SERPINB11: variants seen among roughly 807,000 people sequenced by gnomAD.
The protein encoded by SERPINB11 is serpin B11.
In SERPINB11, 32 loss-of-function variants were observed where a neutral mutation model predicts 36.7. The observed-to-expected ratio is 0.87, with a 90% CI of 0.66 to 1.17. The LOEUF is 1.17. Among genes scored for constraint, SERPINB11 ranks in the 50% most tolerant of loss-of-function variants. The pLI is 0.00. For missense variants in SERPINB11, 528 were observed against 458.4 expected (o/e 1.15, Z -1.39); for synonymous variants, 174 against 168.1 (o/e 1.04, Z -0.27).
intron 2 of SERPINB11, among the ~76,000 whole-genome samples, 157 bp from the exon 3 acceptor site, chr18:63,711,178 T>C (rs974532048): frequency 1.3e-5 from 2 of 152,240 alleles, no homozygotes; most frequent in Non-Finnish European, 2.9e-5. Context: ...AAATAAGATA[T>C]GTAAAGACTT....
At chr18:63,713,452 T>G (rs919840570) in intron 4 of SERPINB11, among the ~76,000 whole-genome samples, 3 of 152,160 alleles carry the variant, frequency 2.0e-5, no homozygotes, top group African/African-American at 7.2e-5. Flanking sequence ...CATCATCTTG[T>G]GATTGAGGTG....
At chr18:63,706,833 C>A (rs1568182604) in intron 1 of SERPINB11, among the ~76,000 whole-genome samples, 4 of 152,192 alleles carry the variant, frequency 2.6e-5, no homozygotes, top group Admixed American at 2.6e-4. Flanking sequence ...ATCGAGGACG[C>A]AAGTTCTGCC....
intron 6 of SERPINB11, 165 bp from the exon 7 acceptor site, chr18:63,720,666 G>T: frequency 1.8e-6 from 1 of 554,572 alleles, no homozygotes; most frequent in South Asian, 2.8e-5. Flanking sequence ...TTAAAAAAAT[G>T]GATAACCTTT....
At chr18:63,715,586 A>C (rs1914647033) in intron 4 of SERPINB11, among the ~76,000 whole-genome samples, 1 of 152,162 alleles carries the variant, frequency 6.6e-6, no homozygotes, top group Admixed American at 6.5e-5. Context: ...GCTTGTGAGG[A>C]GATTGATATA....
chr18:63,711,278 C>A, intron 2 of SERPINB11, 57 bp from the exon 3 acceptor site: 1 of 1,187,186 alleles, frequency 8.4e-7, no homozygotes, highest in Non-Finnish European at 1.2e-6. Flanking sequence ...AACTGTCAAC[C>A]TTTATAGACT....
intron 7 of SERPINB11, 115 bp from the exon 8 acceptor site, chr18:63,722,880 G>T (rs755652720): frequency 1.6e-4 from 168 of 1,059,660 alleles, no homozygotes; most frequent in Non-Finnish European, 2.1e-4. Context: ...TGTATTAAAG[G>T]TAGAAAAAGT....
At chr18:63,719,035 C>T (rs1477946640) in intron 5 of SERPINB11, among the ~76,000 whole-genome samples, 3 of 151,970 alleles carry the variant, frequency 2.0e-5, no homozygotes, top group Admixed American at 6.6e-5. Flanking sequence ...AACTCTGTGA[C>T]AGTAGAGATT....
intron 5 of SERPINB11, among the ~76,000 whole-genome samples, chr18:63,718,755 T>C (rs1301352749): frequency 1.3e-5 from 2 of 152,068 alleles, no homozygotes; most frequent in East Asian, 1.9e-4. Flanking sequence ...ATCTTTTTGA[T>C]TGAGGAACTG....
At position 63,716,059 on chromosome 18, in the gene SERPINB11, T is replaced by G. The variant is rs747879910; in HGVS notation, c.382T>G (p.Trp128Gly). The stretch of plus-strand genomic sequence containing the variant: ...GCAATATTTAAGCTGTTCTGAGAAA[T>G]GGTATCAAGCCAGGTTGCAAACTGT... ...HQQYLSCSEK[W>G]YQARLQTVDF... Residue 128 changes from tryptophan (W) to glycine (G), a missense_variant, in exon 5 of 8, where the codon TGG becomes GGG. By Grantham distance (184) the Trp-to-Gly change is radical. Transcript: ENST00000544088. 2 of 1,610,594 alleles carry G rather than the reference T, an allele frequency of 1.2e-6. No homozygotes were observed. The highest frequency in any genetic ancestry group is 1.7e-6 in the Non-Finnish European group (2 of 1,177,804).
intron 1 of SERPINB11, chr18:63,705,788 C>T (rs183582261): frequency 3.3e-5 from 5 of 152,318 alleles, no homozygotes; most frequent in Non-Finnish European, 7.3e-5. Context: ...TAAATAAATT[C>T]ACGTTACTTT....
At chr18:63,711,831 G>A (rs373724537) in intron 3 of SERPINB11, among the ~76,000 whole-genome samples, 1 of 152,044 alleles carries the variant, frequency 6.6e-6, no homozygotes, top group Non-Finnish European at 1.5e-5. Context: ...TCCAGTAGAA[G>A]GATTCATTTT....
At chr18:63,703,505 T>G (rs2144525339) in intron 1 of SERPINB11, among the ~76,000 whole-genome samples, 1 of 152,312 alleles carries the variant, frequency 6.6e-6, no homozygotes, top group East Asian at 1.9e-4. Context: ...AGGTAAAATA[T>G]AATGGTTTAT....
chr18:63,720,842 A>G lies in SERPINB11; in HGVS notation c.630A>G (p.Val210=), dbSNP rs1914792005. ...TTTCTTCTTAACAGGGTAAAAATGT[A>G]ACTGTGGAAATGATGTATCAAATTG... ...SPFQLSEGKN[V]TVEMMYQIGT... The change falls in exon 7 of 8, where the codon GTA becomes GTG. Residue 210 remains valine (V), a synonymous_variant. Transcript: ENST00000544088. 6.4e-7 allele frequency: 1 copy of G among 1,553,082 alleles called. No individual in the cohort carries two copies. Among genetic ancestry groups the G allele is most frequent in the African/African-American group, 1.4e-5 (1 of 73,236 alleles).
chr18:63,708,699 A>G (rs77360030), intron 1 of SERPINB11, among the ~76,000 whole-genome samples: 1 of 152,192 alleles, frequency 6.6e-6, no homozygotes, highest in Admixed American at 6.5e-5. Flanking sequence ...TTGAGTAAGC[A>G]GTTGGATATG....
intron 5 of SERPINB11, among the ~76,000 whole-genome samples, chr18:63,716,625 A>C (rs2144544669): frequency 6.6e-6 from 1 of 152,262 alleles, no homozygotes; most frequent in South Asian, 2.1e-4. Context: ...TTAAGATTAT[A>C]TTGCAGCAAA....
chr18:63,720,591 G>T, intron 6 of SERPINB11: 2 of 412,966 alleles, frequency 4.8e-6, no homozygotes, highest in South Asian at 6.3e-5. Context: ...CTTTGTTTTT[G>T]GTAGACCAAG....
intron 3 of SERPINB11, 107 bp downstream of exon 3, chr18:63,711,501 C>T: frequency 2.5e-6 from 2 of 798,552 alleles, no homozygotes; most frequent in Non-Finnish European, 4.3e-6. Context: ...CATGAGGGAA[C>T]CAGCTATGTG....
chr18:63,716,932 T>C (rs1396094596), intron 5 of SERPINB11, among the ~76,000 whole-genome samples: 1 of 152,130 alleles, frequency 6.6e-6, no homozygotes, highest in Non-Finnish European at 1.5e-5. Flanking sequence ...TTATTGTATG[T>C]GTGCTATTTG....
chr18:63,716,127 T>C lies in SERPINB11; in HGVS notation c.450T>C (p.Asn150=). Residue 150 remains asparagine, a synonymous_variant, in exon 5 of 8, where the codon AAT becomes AAC. Coordinates refer to ENST00000544088, the MANE Select transcript of SERPINB11 (RefSeq NM_001370475.1). ...QSTEETRKTI[N]AWVENKTNGK... is the part of the protein sequence containing the mutation. ...CAGAAGAAACGAGGAAAACGATTAA[T>C]GCTTGGGTTGAAAATAAAACTAATG... 1 of 1,606,738 alleles carries C rather than the reference T, an allele frequency of 6.2e-7. No homozygotes were observed. The highest frequency in any genetic ancestry group is 8.5e-7 in the Non-Finnish European group (1 of 1,174,722).
Sources: gnomAD v4.1 joint callset for allele counts (sites outside exome capture counted in the v4.1 genomes callset) on GRCh38, gnomAD v4.1.1 for gene constraint, MANE v1.5 for transcripts, NCBI Gene and HGNC (gene_info 2026-07-23, HGNC 2026-07-21) for gene names.